RAB32: variants seen among roughly 807,000 people sequenced by gnomAD.
RAB32 encodes ras-related protein Rab-32.
Under a neutral mutation model 17.5 loss-of-function variants are expected in RAB32, and 17 were observed. The ratio of observed to expected loss-of-function variants is 0.97; its 90% CI spans 0.67 to 1.46. The LOEUF (loss-of-function observed/expected upper bound fraction) is 1.46, where lower values mean the gene tolerates loss of function less well. Ranked by LOEUF, RAB32 falls within the 40% of genes most tolerant of loss-of-function variation. RAB32 has a pLI of 0.00. For missense variants in RAB32, 288 were observed against 284.3 expected (o/e 1.01, Z -0.09); for synonymous variants, 115 against 111.1 (o/e 1.04, Z -0.22).
chr6:146,544,665 G>A (rs1332519359), intron 1 of RAB32, among the ~76,000 whole-genome samples: 4 of 151,622 alleles, frequency 2.6e-5, no homozygotes, highest in African/African-American at 9.7e-5. Context: ...ATCGGAAGCC[G>A]AGGACAGACA....
intron 2 of RAB32, among the ~76,000 whole-genome samples, chr6:146,551,781 C>T (rs978844739): frequency 6.6e-6 from 1 of 152,098 alleles, no homozygotes; most frequent in African/African-American, 2.4e-5. Flanking sequence ...TCATCGGTTT[C>T]ACTTTATGTA....
At chr6:146,551,705 A>G (rs1779901258) in intron 2 of RAB32, among the ~76,000 whole-genome samples, 1 of 152,116 alleles carries the variant, frequency 6.6e-6, no homozygotes, top group South Asian at 2.1e-4. Context: ...AATCTTTCAG[A>G]TAGTAAATCC....
In RAB32 at chr6:146,549,484, A is replaced by G. The variant is rs1274470530; in HGVS notation, c.271A>G (p.Met91Val). ...TCTAGGGCAGGAGCGATTTGGCAAC[A>G]TGACCCGAGTATACTACAAGGAAGC... ...DIAGQERFGN[M>V]TRVYYKEAVG... Residue 91 changes from methionine to valine, a missense_variant, in exon 2 of 3, where the codon ATG becomes GTG. Met to Val is a conservative substitution (Grantham distance 21, BLOSUM62 1). Coordinates refer to ENST00000367495, the MANE Select transcript of RAB32 (RefSeq NM_006834.5). 2 of 1,613,810 alleles carry G rather than the reference A, an allele frequency of 1.2e-6. No individual in the cohort carries two copies. The highest frequency in any genetic ancestry group is 1.3e-5 in the African/African-American group (1 of 74,912).
intron 2 of RAB32, among the ~76,000 whole-genome samples, chr6:146,553,618 A>T (rs1305533861): frequency 6.6e-6 from 1 of 152,148 alleles, no homozygotes; most frequent in Admixed American, 6.6e-5. Context: ...GATCTGAAAT[A>T]GGGCATTGAG....
chr6:146,545,593 A>G (rs1779810130), intron 1 of RAB32, among the ~76,000 whole-genome samples: 1 of 152,228 alleles, frequency 6.6e-6, no homozygotes, highest in Non-Finnish European at 1.5e-5. Context: ...TGTCCCTCAG[A>G]CAGGAGAATA....
chr6:146,549,866 T>C lies in RAB32; in HGVS notation c.528+125T>C, dbSNP rs1043824615. On this transcript the variant is annotated intron_variant, in intron 2 of 2. Transcript: ENST00000367495. Reference sequence around the variant, plus strand: ...AGTCTGGAAAATGAGAAGTGTAGCATGGATGTGTTATAGCTTCTTTCAGTC... The same window carrying C: ...AGTCTGGAAAATGAGAAGTGTAGCACGGATGTGTTATAGCTTCTTTCAGTC... 5 of 1,128,594 alleles carry C rather than the reference T, an allele frequency of 4.4e-6. No individual in the cohort carries two copies. In the Admixed American group the frequency reaches 1.4e-4, roughly 31 times the overall value. 69.9% of individuals were successfully genotyped at this position (1,128,594 alleles called of 1,614,324 possible). A position where few individuals can be genotyped will look rare whatever the true frequency, so the allele number is the denominator to read the frequency against.
chr6:146,550,713 T>C (rs1408536746), intron 2 of RAB32, among the ~76,000 whole-genome samples: 3 of 123,514 alleles, frequency 2.4e-5, no homozygotes, highest in African/African-American at 9.7e-5. Context: ...ATTATACATA[T>C]ATAAAATGTT....
At chr6:146,552,665 T>C (rs1299394913) in intron 2 of RAB32, among the ~76,000 whole-genome samples, 1 of 152,192 alleles carries the variant, frequency 6.6e-6, no homozygotes, top group Non-Finnish European at 1.5e-5. Context: ...TACGTTTATT[T>C]ACTAGCCATA....
chr6:146,546,604 G>A (rs1383313126), intron 1 of RAB32, among the ~76,000 whole-genome samples: 1 of 151,992 alleles, frequency 6.6e-6, no homozygotes, highest in African/African-American at 2.4e-5. Flanking sequence ...TGTAATGAAG[G>A]CAAACTGATG....
chr6:146,547,247 T>A (rs567160445), intron 1 of RAB32, among the ~76,000 whole-genome samples: 1 of 152,288 alleles, frequency 6.6e-6, no homozygotes, highest in East Asian at 1.9e-4. Flanking sequence ...TATTATATGC[T>A]TATTGCTTAT....
intron 1 of RAB32, among the ~76,000 whole-genome samples, chr6:146,547,075 C>G (rs1157655336): frequency 2.0e-5 from 3 of 152,076 alleles, no homozygotes; most frequent in Non-Finnish European, 4.4e-5. Context: ...CTCACACGTA[C>G]TTTAGGACTG....
chr6:146,545,756 G>A (rs1779811870), intron 1 of RAB32, among the ~76,000 whole-genome samples: 1 of 152,182 alleles, frequency 6.6e-6, no homozygotes, highest in Non-Finnish European at 1.5e-5. Flanking sequence ...CCGTTGCACA[G>A]AACCCTAATG....
At chr6:146,550,878 G>A (rs1034556965) in intron 2 of RAB32, among the ~76,000 whole-genome samples, 1 of 152,134 alleles carries the variant, frequency 6.6e-6, no homozygotes, top group Middle Eastern at 3.4e-3. Flanking sequence ...CTAGCTTTTA[G>A]TTTATGTTCT....
chr6:146,546,802 TTTGG>T (rs1160834605), intron 1 of RAB32, among the ~76,000 whole-genome samples: 2 of 150,748 alleles, frequency 1.3e-5, no homozygotes, highest in East Asian at 3.9e-4. Context: ...TTTTTTTTTT[TTTGG>T]TTGCTTCAGT....
intron 1 of RAB32, among the ~76,000 whole-genome samples, chr6:146,545,212 A>C (rs1056261978): frequency 3.9e-5 from 6 of 151,956 alleles, no homozygotes; most frequent in Admixed American, 2.0e-4. Context: ...TCAAGGCTTC[A>C]GTGAGCTGTG....
intron 2 of RAB32, among the ~76,000 whole-genome samples, chr6:146,552,597 TAC>T (rs1201536812): frequency 6.6e-6 from 1 of 152,210 alleles, no homozygotes; most frequent in Non-Finnish European, 1.5e-5. Flanking sequence ...TATATGTATG[TAC>T]ACACACATAT....
intron 1 of RAB32, among the ~76,000 whole-genome samples, chr6:146,546,451 A>T (rs1425631882): frequency 1.3e-5 from 2 of 151,990 alleles, no homozygotes; most frequent in African/African-American, 4.8e-5. Flanking sequence ...AACAAAAAAA[A>T]CTGTTTTAGA....
At chr6:146,549,248 A>G (rs1779864807) in intron 1 of RAB32, among the ~76,000 whole-genome samples, 2 of 152,240 alleles carry the variant, frequency 1.3e-5, no homozygotes, top group Admixed American at 1.3e-4. Context: ...TGTACAGAAC[A>G]TAAAACTAAT....
intron 2 of RAB32, 23 bp from the exon 3 acceptor site, chr6:146,554,433 C>T (rs758231350): frequency 1.3e-5 from 20 of 1,584,388 alleles, no homozygotes; most frequent in South Asian, 3.5e-5. Context: ...AAATTAATCC[C>T]GTTCTTCATT....
Sources: allele counts gnomAD v4.1 joint callset (sites outside exome capture counted in the v4.1 genomes callset), GRCh38; gene constraint gnomAD v4.1.1; transcripts MANE v1.5; gene names NCBI Gene and HGNC (gene_info 2026-07-23, HGNC 2026-07-21).